ZC3H12B: variants seen among roughly 807,000 people sequenced by gnomAD.
ZC3H12B encodes the protein probable ribonuclease ZC3H12B.
In ZC3H12B, 7 loss-of-function variants were observed where a neutral mutation model predicts 43.9. The ratio of observed to expected loss-of-function variants is 0.16; its 90% CI spans 0.09 to 0.30. The LOEUF (loss-of-function observed/expected upper bound fraction) is 0.30, where lower values mean the gene tolerates loss of function less well. ZC3H12B is among the 10% of genes least tolerant of loss of function. ZC3H12B has a pLI of 1.00. For missense variants in ZC3H12B, 475 were observed against 670.2 expected, an observed-to-expected ratio of 0.71 and a Z score of 3.22; for synonymous variants, 222 against 241.7, an observed-to-expected ratio of 0.92 and a Z score of 0.76.
chrX:65,122,409 A>T, the ZC3H12B span, among the ~76,000 whole-genome samples: 1 of 111,368 alleles, frequency 9.0e-6, no homozygotes, highest in Admixed American at 9.6e-5. Context: ...AGGAACAACC[A>T]GTACCAGCCA....
intron 3 of ZC3H12B, among the ~76,000 whole-genome samples, chrX:65,436,861 T>C (rs2067227784): frequency 1.8e-5 from 2 of 111,672 alleles, no homozygotes; most frequent in African/African-American, 3.3e-5. Flanking sequence ...ACTCTTTCAG[T>C]TATTTTAAAA....
At chrX:65,336,056 G>A in the ZC3H12B span, among the ~76,000 whole-genome samples, 2 of 111,531 alleles carry the variant, frequency 1.8e-5, no homozygotes, top group Admixed American at 9.5e-5. Context: ...CTATCCTAAG[G>A]GACCCCTCTT....
intron 3 of ZC3H12B, among the ~76,000 whole-genome samples, chrX:65,471,539 C>T (rs183776243): frequency 1.4e-3 from 145 of 105,612 alleles, no homozygotes; most frequent in African/African-American, 5.0e-3. Context: ...CAACCTCTCC[C>T]TCCCAGGTTC....
At chrX:65,206,999 A>C in the ZC3H12B span, among the ~76,000 whole-genome samples, 4 of 88,061 alleles carry the variant, frequency 4.5e-5, no homozygotes, top group African/African-American at 3.4e-4. Context: ...CAAAAAATCA[A>C]AAAAAAAAAT....
At chrX:65,239,111 G>T in the ZC3H12B span, among the ~76,000 whole-genome samples, 5 of 111,880 alleles carry the variant, frequency 4.5e-5, no homozygotes, top group Non-Finnish European at 1.9e-5. Context: ...CCAGAGGTGA[G>T]TTCAGATCCT....
intron 1 of ZC3H12B, among the ~76,000 whole-genome samples, chrX:65,491,706 A>T (rs945173261): frequency 2.1e-4 from 17 of 81,175 alleles, no homozygotes; most frequent in African/African-American, 1.6e-3. Context: ...GGCCCTATTT[A>T]AAAAAAAAAT....
the ZC3H12B span, among the ~76,000 whole-genome samples, chrX:65,320,528 A>G: frequency 2.7e-5 from 3 of 112,060 alleles, no homozygotes; most frequent in African/African-American, 9.7e-5. Flanking sequence ...ATATTCTCCA[A>G]AGAAATAGGA....
chrX:65,188,001 T>A, the ZC3H12B span, among the ~76,000 whole-genome samples: 3 of 111,395 alleles, frequency 2.7e-5, no homozygotes, highest in South Asian at 1.1e-3. Flanking sequence ...ACTCTTGATC[T>A]ACATGAGTTC....
chrX:65,388,159 C>G (rs760775399), intron 2 of ZC3H12B, among the ~76,000 whole-genome samples: 106 of 111,279 alleles, frequency 9.5e-4, no homozygotes, highest in African/African-American at 3.3e-3. Context: ...GTGGCATTCT[C>G]TGTATTTCCT....
the ZC3H12B span, among the ~76,000 whole-genome samples, chrX:65,105,068 GC>G: frequency 9.0e-6 from 1 of 111,685 alleles, no homozygotes; most frequent in Non-Finnish European, 1.9e-5. Context: ...GGAATACTAT[GC>G]AGCCATAAAA....
At chrX:65,352,030 C>T in the ZC3H12B span, among the ~76,000 whole-genome samples, 11 of 112,118 alleles carry the variant, frequency 9.8e-5, no homozygotes, top group Non-Finnish European at 1.7e-4. Flanking sequence ...ATGTTTATTG[C>T]AGCACTATTC....
the ZC3H12B span, among the ~76,000 whole-genome samples, chrX:65,135,082 C>T: frequency 4.5e-5 from 5 of 111,316 alleles, no homozygotes; most frequent in Non-Finnish European, 9.4e-5. Flanking sequence ...AGCTTGGGCT[C>T]AGAGGCCTGA....
the ZC3H12B span, among the ~76,000 whole-genome samples, chrX:65,062,039 G>A: frequency 2.7e-5 from 3 of 112,057 alleles, no homozygotes; most frequent in Admixed American, 1.9e-4. Flanking sequence ...ATTTGTTTAA[G>A]TTCCTTGTAG....
At chrX:65,280,448 G>C in the ZC3H12B span, among the ~76,000 whole-genome samples, 7 of 111,765 alleles carry the variant, frequency 6.3e-5, no homozygotes, top group Admixed American at 4.7e-4. Context: ...TTACTGAATG[G>C]GGAAAACCTG....
chrX:65,118,037 C>T, the ZC3H12B span, among the ~76,000 whole-genome samples: 3 of 111,641 alleles, frequency 2.7e-5, no homozygotes, highest in Admixed American at 9.5e-5. Context: ...ATTGTCTTGG[C>T]AATGTGGGCT....
the ZC3H12B span, among the ~76,000 whole-genome samples, chrX:65,119,438 T>C: frequency 8.9e-6 from 1 of 112,422 alleles, no homozygotes; most frequent in African/African-American, 3.2e-5. Flanking sequence ...GTTGGCTGCA[T>C]AAATGTCTTC....
rs1032821198 is a variant in ZC3H12B at position 65,427,066 on chromosome X, A to C, written n.407+28362A>C. Among the ~76,000 whole-genome samples, 4 of 111,603 alleles carry C rather than the reference A, an allele frequency of 3.6e-5. No individual in the cohort carries two copies. In the East Asian group the frequency reaches 1.1e-3, roughly 31 times the overall value. On this transcript the variant is annotated intron_variant and non_coding_transcript_variant, in intron 3 of 5. Coordinates refer to the ZC3H12B transcript ENST00000617377. ...TCTAATATTGTCAGTGGGGTGTTAA[A>C]GTCTTCCACTATTATTGTGTGGGAG...
chrX:65,245,416 A>T, the ZC3H12B span, among the ~76,000 whole-genome samples: 1 of 111,746 alleles, frequency 8.9e-6, no homozygotes, highest in Non-Finnish European at 1.9e-5. Flanking sequence ...AATATCCTTG[A>T]TGAACATAAA....
chrX:65,317,039 A>C, the ZC3H12B span, among the ~76,000 whole-genome samples: 2 of 111,447 alleles, frequency 1.8e-5, no homozygotes, highest in Non-Finnish European at 3.8e-5. Context: ...AACAATCAAA[A>C]AAGACAAAGA....
Sources: gnomAD v4.1 joint callset for allele counts (sites outside exome capture counted in the v4.1 genomes callset) on GRCh38, gnomAD v4.1.1 for gene constraint, MANE v1.5 for transcripts, NCBI Gene and HGNC (gene_info 2026-07-23, HGNC 2026-07-21) for gene names.